EYA1: variants seen among roughly 807,000 people sequenced by gnomAD.
EYA1 encodes EYA transcriptional coactivator and phosphatase 1.
In EYA1, 16 loss-of-function variants were observed where a neutral mutation model predicts 82.0. The ratio of observed to expected loss-of-function variants is 0.20; its 90% CI spans 0.13 to 0.30. The LOEUF (loss-of-function observed/expected upper bound fraction) is 0.30. EYA1 is among the 10% of genes least tolerant of loss of function. The pLI, the probability that EYA1 is intolerant of heterozygous loss-of-function variation, is 1.00. For synonymous variants in EYA1, 261 were observed against 264.4 expected, an observed-to-expected ratio of 0.99 and a Z score of 0.12; for missense variants, 633 against 730.7, an observed-to-expected ratio of 0.87 and a Z score of 1.54.
At chr8:71,279,661 G>C (rs577391187) in intron 9 of EYA1, among the ~76,000 whole-genome samples, 4 of 152,182 alleles carry the variant, frequency 2.6e-5, no homozygotes, top group African/African-American at 7.2e-5. Context: ...CCTTACTCCA[G>C]GGATGGACAA....
intron 12 of EYA1, among the ~76,000 whole-genome samples, chr8:71,235,699 G>A (rs532838835): frequency 1.3e-5 from 2 of 152,256 alleles, no homozygotes; most frequent in African/African-American, 4.8e-5. Flanking sequence ...CCAGTAGTTA[G>A]AACTGTGCCT....
chr8:71,406,091 A>G (rs1830203811), intron 2 of EYA1, among the ~76,000 whole-genome samples: 2 of 152,240 alleles, frequency 1.3e-5, no homozygotes, highest in Non-Finnish European at 1.5e-5. Flanking sequence ...AATTGTATCC[A>G]CTACATATGT....
At chr8:71,330,460 C>G (rs1823706804) in intron 4 of EYA1, among the ~76,000 whole-genome samples, 1 of 152,166 alleles carries the variant, frequency 6.6e-6, no homozygotes, top group Non-Finnish European at 1.5e-5. Context: ...ACCCTGACCT[C>G]CTAAATGCCA....
intron 2 of EYA1, among the ~76,000 whole-genome samples, chr8:71,369,659 G>A (rs1827973902): frequency 6.6e-6 from 1 of 152,220 alleles, no homozygotes; most frequent in Non-Finnish European, 1.5e-5. Context: ...CTCAAACAGG[G>A]CATAGTTTCC....
At chr8:71,492,057 C>T (rs937081059) in intron 2 of EYA1, among the ~76,000 whole-genome samples, 11 of 152,148 alleles carry the variant, frequency 7.2e-5, no homozygotes, top group African/African-American at 2.2e-4. Context: ...TCCTACCGGA[C>T]GTTGGCAAAT....
At chr8:71,381,102 A>G (rs1229027200) in intron 2 of EYA1, among the ~76,000 whole-genome samples, 1 of 152,200 alleles carries the variant, frequency 6.6e-6, no homozygotes. Context: ...TCAAAGCTCG[A>G]ATCCATAAAG....
intron 2 of EYA1, among the ~76,000 whole-genome samples, chr8:71,495,370 G>A (rs998142116): frequency 9.9e-5 from 15 of 152,098 alleles, no homozygotes; most frequent in African/African-American, 3.6e-4. Context: ...TCCCAGCACT[G>A]TGGGAGGCTG....
At chr8:71,303,632 T>C (rs4738127) in intron 7 of EYA1, among the ~76,000 whole-genome samples, 81,426 of 139,556 alleles carry the variant, frequency 0.58, 28,814 homozygotes, top group East Asian at 0.87. Flanking sequence ...GGACTTAGGG[T>C]CTGACCAAGT....
intron 2 of EYA1, among the ~76,000 whole-genome samples, chr8:71,399,450 G>T (rs1160689250): frequency 6.6e-6 from 1 of 152,144 alleles, no homozygotes; most frequent in Non-Finnish European, 1.5e-5. Flanking sequence ...TTCTATACAT[G>T]TGGTTATATC....
chr8:71,484,930 T>C (rs1042945191), intron 2 of EYA1, among the ~76,000 whole-genome samples: 1 of 152,212 alleles, frequency 6.6e-6, no homozygotes, highest in African/African-American at 2.4e-5. Flanking sequence ...TGTGAAATTC[T>C]TCACAAGCCT....
chr8:71,226,867 G>A (rs750395650), intron 12 of EYA1, among the ~76,000 whole-genome samples: 8 of 151,466 alleles, frequency 5.3e-5, no homozygotes, highest in South Asian at 2.1e-4. Context: ...TGTCCCTACC[G>A]CTGACATTGT....
At chr8:71,443,666 G>T (rs1806606377) in intron 2 of EYA1, among the ~76,000 whole-genome samples, 1 of 152,174 alleles carries the variant, frequency 6.6e-6, no homozygotes, top group South Asian at 2.1e-4. Context: ...ATTTCCAAGA[G>T]TAATTCTCTC....
At position 71,394,258 on chromosome 8, in the gene EYA1, G is replaced by C. The variant is rs1829452637; in HGVS notation, c.34-37747C>G. Among the ~76,000 whole-genome samples the C allele has an allele frequency of 3.9e-5, 6 of 152,214 alleles. No individual in the cohort carries two copies. The South Asian group carries it at 1.2e-3, about 32-fold the overall frequency. On this transcript the variant is annotated intron_variant, in intron 2 of 18. Coordinates refer to the EYA1 transcript ENST00000643681. ...CTGTAGGTTGCCTATTCACTCTGAT[G>C]GTAGTTTCTTTTGCTGTGCAGAAGC...
At chr8:71,408,168 A>C (rs910565442) in intron 2 of EYA1, among the ~76,000 whole-genome samples, 2 of 151,990 alleles carry the variant, frequency 1.3e-5, no homozygotes, top group African/African-American at 4.8e-5. Context: ...AGACAAGCAA[A>C]TGCTGAGAGA....
intron 3 of EYA1, among the ~76,000 whole-genome samples, chr8:71,336,301 T>G (rs1019716802): frequency 1.3e-5 from 2 of 152,230 alleles, no homozygotes; most frequent in Non-Finnish European, 1.5e-5. Flanking sequence ...GCGAAGTCCC[T>G]GCTCTCCTAC....
intron 2 of EYA1, among the ~76,000 whole-genome samples, chr8:71,406,639 C>T (rs1197109037): frequency 1.3e-5 from 2 of 152,254 alleles, no homozygotes; most frequent in African/African-American, 4.8e-5. Context: ...TCGGGTCACT[C>T]TCACCCGAAT....
intron 7 of EYA1, among the ~76,000 whole-genome samples, chr8:71,301,786 A>T (rs1365275216): frequency 6.6e-6 from 1 of 152,302 alleles, no homozygotes; most frequent in African/African-American, 2.4e-5. Context: ...GTTCATTTGC[A>T]TGTGGTAATT....
intron 16 of EYA1, among the ~76,000 whole-genome samples, chr8:71,214,189 T>TA (rs1201882564): frequency 1.3e-5 from 2 of 152,146 alleles, no homozygotes; most frequent in African/African-American, 4.8e-5. Flanking sequence ...AGAATGCTCA[T>TA]ACCCCTTCCC....
intron 4 of EYA1, among the ~76,000 whole-genome samples, chr8:71,333,781 A>G (rs757089373): frequency 6.6e-5 from 10 of 152,232 alleles, no homozygotes; most frequent in Admixed American, 1.3e-4. Flanking sequence ...AAAATAATAC[A>G]TCTAAGAGAG....
Sources: allele counts gnomAD v4.1 joint callset (sites outside exome capture counted in the v4.1 genomes callset), GRCh38; gene constraint gnomAD v4.1.1; transcripts MANE v1.5; gene names NCBI Gene and HGNC (gene_info 2026-07-23, HGNC 2026-07-21).